Variants in DPP6 observed in about 807,000 individuals in gnomAD.
The protein encoded by DPP6 is dipeptidyl peptidase like 6.
In DPP6, 69 loss-of-function variants were observed where a neutral mutation model predicts 122.6. The ratio of observed to expected loss-of-function variants is 0.56; its 90% CI spans 0.46 to 0.69. The LOEUF (loss-of-function observed/expected upper bound fraction) is 0.69. Ranked by LOEUF, DPP6 falls within the 30% of genes least tolerant of loss-of-function variation. The pLI is 0.00. For synonymous variants in DPP6, 418 were observed against 433.1 expected (o/e 0.97, Z 0.43); for missense variants, 928 against 1,116.9 (o/e 0.83, Z 2.41).
chr7:154,285,015 A>G (rs1481543152), intron 1 of DPP6, among the ~76,000 whole-genome samples: 2 of 152,048 alleles, frequency 1.3e-5, no homozygotes, highest in African/African-American at 2.4e-5. Context: ...GGGAGGAGAA[A>G]TAGACATGTA....
intron 1 of DPP6, among the ~76,000 whole-genome samples, chr7:154,156,789 G>GTAGA (rs1224215004): frequency 4.0e-5 from 6 of 151,824 alleles, no homozygotes; most frequent in East Asian, 3.9e-4. Context: ...AGGTAGGTAG[G>GTAGA]TAGATAGATA....
intron 1 of DPP6, among the ~76,000 whole-genome samples, chr7:154,239,897 C>G (rs1801467692): frequency 6.8e-6 from 1 of 148,066 alleles, no homozygotes; most frequent in Non-Finnish European, 1.5e-5. Context: ...GTGGCTGAGG[C>G]AGGAGAATCA....
Position 154,833,010 on chromosome 7 carries a change from T to G in DPP6, c.1667-20770T>G, listed in dbSNP as rs1800752016. 6.6e-6 allele frequency among the ~76,000 whole-genome samples: 1 copy of G among 152,206 alleles called. No homozygotes were observed. The highest frequency in any genetic ancestry group is 1.5e-5 in the Non-Finnish European group (1 of 68,040). On this transcript the variant is annotated intron_variant, in intron 16 of 25. Transcript: ENST00000377770. The surrounding 1 kb of genome is among the most constrained non-coding windows in gnomAD (Gnocchi z 4.3). The stretch of plus-strand genomic sequence containing the variant: ...GATGCCAGGCAGAATGCTGAGTTTG[T>G]GGAGATGAGGACAGAGGCCCTGCCC...
At chr7:154,088,779 G>C (rs1211231550) in intron 1 of DPP6, among the ~76,000 whole-genome samples, 1 of 152,084 alleles carries the variant, frequency 6.6e-6, no homozygotes, top group African/African-American at 2.4e-5. Flanking sequence ...AGAAACTCGT[G>C]CTTTCCTGAG....
chr7:154,264,979 G>T (rs1315412802), intron 1 of DPP6, among the ~76,000 whole-genome samples: 2 of 152,236 alleles, frequency 1.3e-5, no homozygotes, highest in African/African-American at 4.8e-5. Context: ...TGGTGTTGAT[G>T]ATGATGGTGA....
chr7:154,525,895 C>T (rs75347091), intron 3 of DPP6, among the ~76,000 whole-genome samples: 3,305 of 152,168 alleles, frequency 0.022, 55 homozygotes, highest in Middle Eastern at 0.048. Flanking sequence ...ATTTCCTCAC[C>T]GTCTCTATGT....
the DPP6 span, among the ~76,000 whole-genome samples, chr7:153,874,252 G>GTACA: frequency 6.7e-6 from 1 of 150,092 alleles, no homozygotes; most frequent in South Asian, 2.1e-4. Context: ...GTGCGCACAT[G>GTACA]CACACACACA....
At chr7:154,061,700 G>T (rs1316476291) in intron 1 of DPP6, among the ~76,000 whole-genome samples, 4 of 85,284 alleles carry the variant, frequency 4.7e-5, no homozygotes, top group African/African-American at 1.3e-4. Flanking sequence ...CCATCGCAGG[G>T]GGGGAGGCAA....
chr7:154,770,255 C>T (rs1436666608), intron 9 of DPP6, among the ~76,000 whole-genome samples: 1 of 152,182 alleles, frequency 6.6e-6, no homozygotes, highest in Non-Finnish European at 1.5e-5. Flanking sequence ...AGGTGAAAGG[C>T]ACGTCTTACA....
At chr7:153,859,715 G>T in the DPP6 span, among the ~76,000 whole-genome samples, 1 of 151,784 alleles carries the variant, frequency 6.6e-6, no homozygotes, top group East Asian at 1.9e-4. Context: ...AAAGAAAAGA[G>T]GTTTAATTGA....
intron 1 of DPP6, among the ~76,000 whole-genome samples, chr7:154,247,744 A>T (rs1210921651): frequency 6.6e-6 from 1 of 152,154 alleles, no homozygotes; most frequent in Non-Finnish European, 1.5e-5. Context: ...AGTCTACTGC[A>T]CTCTTAGGTA....
the DPP6 span, among the ~76,000 whole-genome samples, chr7:153,831,376 C>G: frequency 1.3e-5 from 2 of 152,094 alleles, no homozygotes; most frequent in African/African-American, 4.8e-5. Flanking sequence ...GAAAGGCAGC[C>G]AGCAAAGACC....
intron 3 of DPP6, among the ~76,000 whole-genome samples, chr7:154,531,283 G>C (rs1170974757): frequency 6.6e-6 from 1 of 152,054 alleles, no homozygotes; most frequent in Non-Finnish European, 1.5e-5. Flanking sequence ...GGCACCAAAA[G>C]AAAAATAATA....
At position 153,974,553 on chromosome 7, in the gene DPP6, A is replaced by T. The variant is rs186361056; in HGVS notation, c.51+86819A>T. Among the ~76,000 whole-genome samples the T allele has an allele frequency of 3.3e-3, 506 of 152,232 alleles. 1 individual carries two copies. Among genetic ancestry groups the T allele is most frequent in the African/African-American group, 0.012 (490 of 41,556 alleles). Reference sequence around the variant, plus strand: ...GAAAGAGGGGAACAGAAAAAGTCAAATACAAACACAAGAGTATTCCAGTTA... The same window carrying T: ...GAAAGAGGGGAACAGAAAAAGTCAATTACAAACACAAGAGTATTCCAGTTA... On this transcript the variant is annotated intron_variant, in intron 1 of 25. Transcript: ENST00000404039.
intron 2 of DPP6, among the ~76,000 whole-genome samples, chr7:154,453,029 G>A (rs1725150485): frequency 6.6e-6 from 1 of 152,026 alleles, no homozygotes; most frequent in African/African-American, 2.4e-5. Context: ...ATATGTATCT[G>A]TCTACAATAG....
chr7:154,043,116 G>A (rs895632672), intron 1 of DPP6, among the ~76,000 whole-genome samples: 14 of 152,072 alleles, frequency 9.2e-5, no homozygotes, highest in Admixed American at 7.2e-4. Flanking sequence ...GGCTGGGCAC[G>A]GTGGCTCACG....
At chr7:154,802,041 A>G (rs4960617) in intron 13 of DPP6, among the ~76,000 whole-genome samples, 24,517 of 151,948 alleles carry the variant, frequency 0.16, 3,251 homozygotes, top group African/African-American at 0.37. Flanking sequence ...CGGGGTCACC[A>G]TCTCCTGAAG....
chr7:153,791,822 GA>G, the DPP6 span, among the ~76,000 whole-genome samples: 1 of 152,234 alleles, frequency 6.6e-6, no homozygotes, highest in Non-Finnish European at 1.5e-5. Context: ...CAGAGGTCAT[GA>G]AGAAGCTGTG....
intron 1 of DPP6, among the ~76,000 whole-genome samples, chr7:154,013,337 T>C (rs958262167): frequency 1.3e-5 from 2 of 152,224 alleles, no homozygotes; most frequent in African/African-American, 4.8e-5. Context: ...CGATGTTAGA[T>C]GTATTTAACC....
Sources: gnomAD v4.1 joint callset for allele counts (sites outside exome capture counted in the v4.1 genomes callset) on GRCh38, gnomAD v4.1.1 for gene constraint, Gnocchi (gnomAD v3.1) non-coding constraint, MANE v1.5 for transcripts, NCBI Gene and HGNC (gene_info 2026-07-23, HGNC 2026-07-21) for gene names.